The following TENM4 variants were observed in gnomAD, a reference collection of about 807,000 sequenced individuals.
The protein encoded by TENM4 is teneurin transmembrane protein 4.
TENM4 carries 82 observed loss-of-function variants against 243.3 expected under a neutral mutation model. The observed-to-expected ratio is 0.34, with a 90% CI of 0.28 to 0.40. The LOEUF (loss-of-function observed/expected upper bound fraction) is 0.40, where lower values mean the gene tolerates loss of function less well. TENM4 is among the 10% of genes least tolerant of loss of function. The probability of loss-of-function intolerance (pLI) is 1.00; values close to 1 mark genes in which losing one functional copy is unlikely to be tolerated. For missense variants in TENM4, 3,138 were observed against 3,673.3 expected, an observed-to-expected ratio of 0.85 and a Z score of 3.77; for synonymous variants, 1,412 against 1,456.3, an observed-to-expected ratio of 0.97 and a Z score of 0.69.
At chr11:79,417,391 CTTT>C (rs1036417678) in intron 1 of TENM4, among the ~76,000 whole-genome samples, 1 of 152,126 alleles carries the variant, frequency 6.6e-6, no homozygotes, top group African/African-American at 2.4e-5. Context: ...CCCTCTTATC[CTTT>C]TTTGTGCCCA....
intron 6 of TENM4, among the ~76,000 whole-genome samples, chr11:78,993,032 A>G (rs1858083762): frequency 6.6e-6 from 1 of 152,204 alleles, no homozygotes; most frequent in Admixed American, 6.5e-5. Context: ...TATTACCTTT[A>G]TTCATTCAGG....
At chr11:79,427,191 C>T (rs1007012824) in intron 1 of TENM4, among the ~76,000 whole-genome samples, 5 of 152,170 alleles carry the variant, frequency 3.3e-5, no homozygotes, top group African/African-American at 1.2e-4. Context: ...GGTCTTGGTT[C>T]CATGCTTCCA....
chr11:79,257,648 A>G (rs1855722425), intron 2 of TENM4, among the ~76,000 whole-genome samples: 4 of 152,182 alleles, frequency 2.6e-5, no homozygotes, highest in Non-Finnish European at 1.5e-5. Flanking sequence ...CTGCCAAACC[A>G]TCTGCCAGGG....
chr11:79,025,442 T>G (rs1017370664), intron 6 of TENM4, among the ~76,000 whole-genome samples: 1 of 152,244 alleles, frequency 6.6e-6, no homozygotes, highest in African/African-American at 2.4e-5. Context: ...TAAACACTTC[T>G]GTAGGACAAG....
intron 2 of TENM4, among the ~76,000 whole-genome samples, chr11:79,251,908 A>G (rs886304085): frequency 3.3e-5 from 5 of 152,168 alleles, no homozygotes; most frequent in Admixed American, 6.5e-5. Context: ...TAAAAAATAG[A>G]CTTGAGGAAA....
intron 12 of TENM4, among the ~76,000 whole-genome samples, chr11:78,836,315 A>T (rs1319296339): frequency 1.3e-5 from 2 of 152,170 alleles, no homozygotes; most frequent in Non-Finnish European, 2.9e-5. Context: ...GCGCTGTTGC[A>T]CTCCAGCCTG....
chr11:78,723,635 G>A (rs182371361), intron 23 of TENM4, among the ~76,000 whole-genome samples: 29 of 152,326 alleles, frequency 1.9e-4, no homozygotes, highest in African/African-American at 6.3e-4. Flanking sequence ...CCTCAATGAC[G>A]CAAAAGCTTC....
chr11:78,880,780 AT>A (rs1195571201), intron 9 of TENM4, among the ~76,000 whole-genome samples: 1 of 152,208 alleles, frequency 6.6e-6, no homozygotes, highest in Non-Finnish European at 1.5e-5. Context: ...TTTGGAGATT[AT>A]TTTAGGTAAT....
chr11:78,692,981 T>G (rs75042570), intron 28 of TENM4, among the ~76,000 whole-genome samples: 4,026 of 152,306 alleles, frequency 0.026, 167 homozygotes, highest in African/African-American at 0.092. Context: ...TATTATTTAT[T>G]TGTTCTTTGT....
intron 1 of TENM4, among the ~76,000 whole-genome samples, chr11:79,364,926 G>A (rs1283868361): frequency 6.6e-6 from 1 of 152,206 alleles, no homozygotes; most frequent in African/African-American, 2.4e-5. Flanking sequence ...CAGTACAACA[G>A]ATACATTGCT....
intron 2 of TENM4, among the ~76,000 whole-genome samples, chr11:79,278,554 A>G (rs1257433353): frequency 1.3e-5 from 2 of 152,224 alleles, no homozygotes; most frequent in African/African-American, 2.4e-5. Context: ...GACTCCAGAC[A>G]TCGGAAGAGC....
At position 78,916,408 on chromosome 11, in the gene TENM4, G is replaced by A. The variant is rs1201241470; in HGVS notation, c.494-12885C>T. Among the ~76,000 whole-genome samples the A allele has an allele frequency of 2.0e-5, 3 of 152,046 alleles. No homozygotes were observed. The East Asian group carries it at 5.8e-4, about 29-fold the overall frequency. ...TTCCTTATGCTATAGGGTCTCCAAG[G>A]GCAGAAATCTTATTTGCTTTTCCAC... On this transcript the variant is annotated intron_variant, in intron 6 of 33. Transcript: ENST00000278550.
chr11:78,794,811 G>A (rs1391973771), intron 15 of TENM4, among the ~76,000 whole-genome samples: 2 of 152,144 alleles, frequency 1.3e-5, no homozygotes, highest in Admixed American at 1.3e-4. Flanking sequence ...TAGTGTCAAG[G>A]AAGAAAAAGA....
At chr11:78,832,139 C>T (rs1253000798) in intron 12 of TENM4, among the ~76,000 whole-genome samples, 6 of 152,188 alleles carry the variant, frequency 3.9e-5, no homozygotes, top group Non-Finnish European at 4.4e-5. Context: ...CAGGAGGTTT[C>T]CCGCATACTT....
chr11:79,315,847 A>C (rs2135420378), intron 1 of TENM4, among the ~76,000 whole-genome samples: 1 of 152,364 alleles, frequency 6.6e-6, no homozygotes, highest in East Asian at 1.9e-4. Flanking sequence ...ACGGAAAAGA[A>C]TAACAAATGT....
intron 1 of TENM4, among the ~76,000 whole-genome samples, chr11:79,426,582 T>C (rs549096603): frequency 6.6e-6 from 1 of 152,234 alleles, no homozygotes; most frequent in South Asian, 2.1e-4. Context: ...GTGGAGAGCA[T>C]GAAGAGTGGT....
chr11:79,318,055 G>C (rs904098359), intron 1 of TENM4, among the ~76,000 whole-genome samples: 6 of 152,210 alleles, frequency 3.9e-5, no homozygotes, highest in Admixed American at 3.9e-4. Flanking sequence ...CAGCTTTGAA[G>C]CTGGATTTCT....
At chr11:79,168,990 C>A (rs1862981650) in intron 3 of TENM4, among the ~76,000 whole-genome samples, 1 of 152,216 alleles carries the variant, frequency 6.6e-6, no homozygotes, top group Non-Finnish European at 1.5e-5. Flanking sequence ...TAACAATCAG[C>A]CTTCAGCTGA....
chr11:78,946,688 A>G (rs1857007755), intron 6 of TENM4, among the ~76,000 whole-genome samples: 1 of 152,256 alleles, frequency 6.6e-6, no homozygotes, highest in African/African-American at 2.4e-5. Context: ...ACCATTAAGA[A>G]TGCTCAAGAT....
Sources: allele counts gnomAD v4.1 joint callset (sites outside exome capture counted in the v4.1 genomes callset), GRCh38; gene constraint gnomAD v4.1.1; transcripts MANE v1.5; gene names NCBI Gene and HGNC (gene_info 2026-07-23, HGNC 2026-07-21).